Variants in CNTLN observed in about 807,000 individuals in gnomAD.
The protein encoded by CNTLN is centlein, centrosomal protein.
CNTLN carries 212 observed loss-of-function variants against 180.0 expected under a neutral mutation model. The ratio of observed to expected loss-of-function variants is 1.18; its 90% CI spans 1.05 to 1.32. CNTLN has a LOEUF of 1.32. CNTLN is among the 40% of genes most tolerant of loss of function. The pLI is 0.00. For missense variants in CNTLN, 2,095 were observed against 1,610.9 expected (o/e 1.30, Z -5.14); for synonymous variants, 722 against 563.1 (o/e 1.28, Z -3.99).
rs1176541089 is a variant in CNTLN, at chr9:17,457,530, A to T, written c.3121A>T (p.Asn1041Tyr). The stretch of plus-strand genomic sequence containing the variant: ...TTCTTTTTTTAAAAAAAAGAAGCTA[A>T]ATTTGGATTTGGCTGGGCTTCGGAA... The part of the protein sequence containing the change: ...QTSRQTIKKL[N>Y]LDLAGLRKEK... Residue 1041 changes from asparagine to tyrosine, a missense_variant, in exon 19 of 26, where the codon AAT becomes TAT. By Grantham distance (143) the Asn-to-Tyr change is moderately radical. Transcript: ENST00000380647. The T allele has an allele frequency of 2.1e-6, 3 of 1,457,232 alleles. No individual in the cohort carries two copies. Among genetic ancestry groups the T allele is most frequent in the Non-Finnish European group, 2.7e-6 (3 of 1,103,240 alleles). The allele number at this position is 1,457,232 out of a possible 1,614,324, so 90.3% of individuals were successfully genotyped here. A position where few individuals can be genotyped will look rare whatever the true frequency, so the allele number is the denominator to read the frequency against.
chr9:17,512,880 G>C, the CNTLN span, among the ~76,000 whole-genome samples: 1 of 152,062 alleles, frequency 6.6e-6, no homozygotes, highest in Non-Finnish European at 1.5e-5. Flanking sequence ...GTGGTGGCGC[G>C]ATCTCAGCTC....
intron 2 of CNTLN, among the ~76,000 whole-genome samples, chr9:17,193,157 A>G (rs1172287154): frequency 6.6e-6 from 1 of 152,098 alleles, no homozygotes; most frequent in African/African-American, 2.4e-5. Flanking sequence ...ACAATTCAAG[A>G]TGAGATTTGG....
intron 5 of CNTLN, among the ~76,000 whole-genome samples, chr9:17,263,167 T>G (rs1444343222): frequency 4.0e-5 from 6 of 149,370 alleles, no homozygotes; most frequent in Non-Finnish European, 8.9e-5. Flanking sequence ...GCATTAGGTA[T>G]ATCTCCTAAT....
chr9:17,141,978 A>C (rs1183532315), intron 1 of CNTLN, among the ~76,000 whole-genome samples: 2 of 149,928 alleles, frequency 1.3e-5, no homozygotes, highest in Non-Finnish European at 3.0e-5. Context: ...GCTACTCAGG[A>C]GGCTGAGGCA....
intron 12 of CNTLN, among the ~76,000 whole-genome samples, chr9:17,355,803 G>T (rs1318017019): frequency 1.3e-5 from 2 of 152,120 alleles, no homozygotes; most frequent in Non-Finnish European, 2.9e-5. Context: ...AGTGGCTCAC[G>T]CCTGTAATCC....
chr9:17,181,731 G>A (rs918755978), intron 2 of CNTLN, among the ~76,000 whole-genome samples: 3 of 152,180 alleles, frequency 2.0e-5, no homozygotes, highest in African/African-American at 7.2e-5. Context: ...GAGTTTAGAA[G>A]TTTAGGTTCC....
chr9:17,494,876 C>CTTTTTT (rs35224903), intron 25 of CNTLN: 17 of 272,986 alleles, frequency 6.2e-5, no homozygotes, highest in South Asian at 1.6e-4. Flanking sequence ...CTATACCATA[C>CTTTTTT]TTTTTTTTTT....
At chr9:17,322,585 G>T (rs191307764) in intron 8 of CNTLN, among the ~76,000 whole-genome samples, 2 of 152,096 alleles carry the variant, frequency 1.3e-5, no homozygotes, top group South Asian at 2.1e-4. Context: ...TTCTCTTGCC[G>T]CTGTAATAAA....
intron 1 of CNTLN, among the ~76,000 whole-genome samples, chr9:17,138,234 A>G (rs1375768675): frequency 6.6e-6 from 1 of 152,186 alleles, no homozygotes. Context: ...ATCACCATTT[A>G]TAGAGTGAGA....
chr9:17,136,408 C>T (rs1316075764), intron 1 of CNTLN, among the ~76,000 whole-genome samples: 3 of 152,216 alleles, frequency 2.0e-5, no homozygotes, highest in African/African-American at 4.8e-5. Flanking sequence ...CAGCTCACTG[C>T]AAGCTCCGCC....
intron 7 of CNTLN, chr9:17,298,932 A>C (rs1375451146): frequency 1.0e-6 from 1 of 985,240 alleles, no homozygotes; most frequent in Non-Finnish European, 1.2e-6. Flanking sequence ...GCAATAATTT[A>C]ATCTACTAAT....
At chr9:17,190,699 A>G (rs950356383) in intron 2 of CNTLN, among the ~76,000 whole-genome samples, 8 of 152,154 alleles carry the variant, frequency 5.3e-5, no homozygotes, top group Non-Finnish European at 1.0e-4. Context: ...TCATTAACCG[A>G]GTTGTCATAT....
chr9:17,164,362 C>CAA (rs199644135), intron 2 of CNTLN, among the ~76,000 whole-genome samples: 8 of 83,900 alleles, frequency 9.5e-5, no homozygotes, highest in African/African-American at 2.4e-4. Flanking sequence ...TTCATTCTTT[C>CAA]AAAAAAAAAA....
At chr9:17,472,328 T>C (rs1832079929) in intron 23 of CNTLN, among the ~76,000 whole-genome samples, 2 of 152,116 alleles carry the variant, frequency 1.3e-5, no homozygotes. Flanking sequence ...CAGAAGCCAA[T>C]TGGAACATAT....
intron 8 of CNTLN, among the ~76,000 whole-genome samples, chr9:17,312,364 T>TATTATA (rs369729227): frequency 5.0e-5 from 1 of 20,186 alleles, no homozygotes; most frequent in Non-Finnish European, 1.4e-4. Context: ...TATATATATA[T>TATTATA]TATATATATA....
chr9:17,429,599 G>C (rs1376767044), intron 18 of CNTLN, among the ~76,000 whole-genome samples: 1 of 151,900 alleles, frequency 6.6e-6, no homozygotes, highest in Admixed American at 6.6e-5. Flanking sequence ...GAGAAATACA[G>C]AATATCCATG....
At chr9:17,219,006 A>C (rs1378320043) in intron 2 of CNTLN, among the ~76,000 whole-genome samples, 1 of 152,202 alleles carries the variant, frequency 6.6e-6, no homozygotes, top group Admixed American at 6.5e-5. Flanking sequence ...GTGGTAATTC[A>C]TGTGGCTAAG....
intron 10 of CNTLN, among the ~76,000 whole-genome samples, chr9:17,334,622 A>T (rs1206351541): frequency 1.3e-5 from 2 of 152,198 alleles, no homozygotes; most frequent in African/African-American, 4.8e-5. Flanking sequence ...TTGCAGCAAC[A>T]TGAGTGCAGC....
chr9:17,214,552 G>A (rs1016064880), intron 2 of CNTLN, among the ~76,000 whole-genome samples: 3 of 152,098 alleles, frequency 2.0e-5, no homozygotes, highest in Non-Finnish European at 4.4e-5. Flanking sequence ...CTCTTCTCGA[G>A]GAGTATCTTT....
Sources: gnomAD v4.1 joint callset for allele counts (sites outside exome capture counted in the v4.1 genomes callset) on GRCh38, gnomAD v4.1.1 for gene constraint, MANE v1.5 for transcripts, NCBI Gene and HGNC (gene_info 2026-07-23, HGNC 2026-07-21) for gene names.